Variants in PARD3 observed in about 807,000 individuals in gnomAD.
PARD3 encodes partitioning defective 3 homolog.
Under a neutral mutation model 155.4 loss-of-function variants are expected in PARD3, and 75 were observed. The observed-to-expected ratio is 0.48, with a 90% confidence interval of 0.40 to 0.58. PARD3 has a LOEUF of 0.58. Among genes scored for constraint, PARD3 ranks in the 20% least tolerant of loss-of-function variants. The pLI is 0.00. For synonymous variants in PARD3, 576 were observed against 610.5 expected (o/e 0.94, Z 0.83); for missense variants, 1,642 against 1,721.7 (o/e 0.95, Z 0.82).
intron 4 of PARD3, among the ~76,000 whole-genome samples, chr10:34,451,773 G>GTT (rs5784419): frequency 0.072 from 10,222 of 141,242 alleles, 1,099 homozygotes; most frequent in African/African-American, 0.24. Flanking sequence ...TTAGCAGCAA[G>GTT]TTTTTTTTTT....
At chr10:34,349,686 T>C (rs1837830782) in intron 14 of PARD3, among the ~76,000 whole-genome samples, 1 of 144,836 alleles carries the variant, frequency 6.9e-6, no homozygotes, top group Admixed American at 6.9e-5. Context: ...AAAGTATACC[T>C]ACATAAAGAC....
intron 1 of PARD3, among the ~76,000 whole-genome samples, chr10:34,788,991 T>C (rs973759191): frequency 6.6e-6 from 1 of 152,240 alleles, no homozygotes; most frequent in Non-Finnish European, 1.5e-5. Context: ...TAATTATACT[T>C]CAGAAAACTT....
At chr10:34,450,240 G>C (rs999037839) in intron 5 of PARD3, 77 bp downstream of exon 5, 26 of 1,336,948 alleles carry the variant, frequency 1.9e-5, no homozygotes, top group Middle Eastern at 3.7e-4. Context: ...ACCAGTGATT[G>C]AGATGGGAGA....
chr10:34,709,251 A>G (rs574486186), intron 1 of PARD3, among the ~76,000 whole-genome samples: 2 of 152,348 alleles, frequency 1.3e-5, no homozygotes, highest in South Asian at 4.1e-4. Context: ...CAATATTTTA[A>G]ATAATTTTTT....
rs140055519 is a variant in PARD3, at chr10:34,283,644, T to A, written c.3176+491A>T. ...TGAAGATGGTAAAATAGAAGGAGAA[T>A]CAAGAAATAAGTGTCAGGTTTGAAA... is the stretch of plus-strand genomic sequence containing the variant. On this transcript the variant is annotated intron_variant, in intron 21 of 24. Coordinates refer to ENST00000374788, the MANE Select transcript of PARD3 (RefSeq NM_001184785.2). Among the ~76,000 whole-genome samples, 11 of 152,110 alleles carry A rather than the reference T, an allele frequency of 7.2e-5. No individual in the cohort carries two copies. The East Asian group carries it at 2.1e-3, about 29-fold the overall frequency.
intron 22 of PARD3, among the ~76,000 whole-genome samples, chr10:34,141,110 G>A (rs1483569264): frequency 6.6e-6 from 1 of 152,128 alleles, no homozygotes; most frequent in Non-Finnish European, 1.5e-5. Flanking sequence ...GAGGTTTTTA[G>A]ACAAATATTT....
intron 2 of PARD3, among the ~76,000 whole-genome samples, chr10:34,624,106 TG>T (rs1287143126): frequency 4.6e-5 from 7 of 152,218 alleles, no homozygotes; most frequent in Non-Finnish European, 1.0e-4. Flanking sequence ...CATGGTTTTT[TG>T]TTGATGTTTC....
At chr10:34,343,168 T>C in intron 15 of PARD3, 2 of 249,328 alleles carry the variant, frequency 8.0e-6, no homozygotes, top group Non-Finnish European at 1.3e-5. Flanking sequence ...GTATATAGAA[T>C]TATAAAACCA....
At chr10:34,813,753 T>C (rs1349779653) in intron 1 of PARD3, among the ~76,000 whole-genome samples, 3 of 152,178 alleles carry the variant, frequency 2.0e-5, no homozygotes, top group Non-Finnish European at 2.9e-5. Context: ...CCAAGCCACT[T>C]TCCAACGTCA....
At chr10:34,276,659 C>T (rs1301878151) in intron 21 of PARD3, among the ~76,000 whole-genome samples, 1 of 152,098 alleles carries the variant, frequency 6.6e-6, no homozygotes, top group Non-Finnish European at 1.5e-5. Context: ...ACGGGAATAA[C>T]CACCGAAGTG....
At chr10:34,538,068 T>C (rs970964480) in intron 2 of PARD3, among the ~76,000 whole-genome samples, 2 of 152,202 alleles carry the variant, frequency 1.3e-5, no homozygotes, top group African/African-American at 4.8e-5. Flanking sequence ...AAACAGAATA[T>C]TGCACAAGAC....
intron 1 of PARD3, among the ~76,000 whole-genome samples, chr10:34,798,072 T>C (rs1036689308): frequency 6.6e-6 from 1 of 151,866 alleles, no homozygotes; most frequent in Non-Finnish European, 1.5e-5. Context: ...ATAACCCCAG[T>C]GTTATGGGAG....
intron 5 of PARD3, among the ~76,000 whole-genome samples, chr10:34,411,549 G>A (rs1028943568): frequency 1.1e-4 from 17 of 152,132 alleles, no homozygotes; most frequent in African/African-American, 3.9e-4. Flanking sequence ...CCTTTGGACT[G>A]AAGTATCAGA....
chr10:34,164,245 T>C (rs1007172132), intron 22 of PARD3, among the ~76,000 whole-genome samples: 7 of 152,318 alleles, frequency 4.6e-5, no homozygotes, highest in African/African-American at 1.7e-4. Context: ...ATAGGAAAGT[T>C]TGTTTATTTC....
intron 3 of PARD3, among the ~76,000 whole-genome samples, chr10:34,516,272 C>G (rs1173520781): frequency 6.6e-6 from 1 of 152,174 alleles, no homozygotes; most frequent in Non-Finnish European, 1.5e-5. Flanking sequence ...GCCAAAAAAT[C>G]TTTTAACCTT....
At chr10:34,325,397 T>C (rs1958629576) in intron 19 of PARD3, among the ~76,000 whole-genome samples, 1 of 152,102 alleles carries the variant, frequency 6.6e-6, no homozygotes, top group Non-Finnish European at 1.5e-5. Context: ...CTATGTTCCA[T>C]ATTTCTCTGT....
At chr10:34,644,660 C>T (rs1590379234) in intron 2 of PARD3, among the ~76,000 whole-genome samples, 1 of 152,136 alleles carries the variant, frequency 6.6e-6, no homozygotes, top group Non-Finnish European at 1.5e-5. Context: ...TCATCACTTA[C>T]GGGGTATAAC....
intron 5 of PARD3, among the ~76,000 whole-genome samples, chr10:34,435,233 T>C (rs1366863464): frequency 2.0e-5 from 3 of 152,196 alleles, no homozygotes; most frequent in Admixed American, 6.5e-5. Context: ...TCTGGTACTT[T>C]TGTTGTAATT....
At chr10:34,466,660 A>T (rs1056291648) in intron 4 of PARD3, among the ~76,000 whole-genome samples, 1 of 152,160 alleles carries the variant, frequency 6.6e-6, no homozygotes, top group Non-Finnish European at 1.5e-5. Flanking sequence ...CTACAGACTC[A>T]TAAGAATTTA....
Sources: allele counts gnomAD v4.1 joint callset (sites outside exome capture counted in the v4.1 genomes callset), GRCh38; gene constraint gnomAD v4.1.1; transcripts MANE v1.5; gene names NCBI Gene and HGNC (gene_info 2026-07-23, HGNC 2026-07-21).